The following PLPPR1 variants were observed in gnomAD, a reference collection of about 807,000 sequenced individuals.
The protein encoded by PLPPR1 is phospholipid phosphatase related 1.
In PLPPR1, 10 loss-of-function variants were observed where a neutral mutation model predicts 33.1. That is an observed-to-expected ratio of 0.30 (90% CI 0.19 to 0.51). The LOEUF (loss-of-function observed/expected upper bound fraction) is 0.51. Ranked by LOEUF, PLPPR1 falls within the 20% of genes least tolerant of loss-of-function variation. The pLI, the probability that PLPPR1 is intolerant of heterozygous loss-of-function variation, is 0.97. For missense variants in PLPPR1, 304 were observed against 408.1 expected (o/e 0.74, Z 2.20); for synonymous variants, 151 against 151.0 (o/e 1.00, Z 0.00).
intron 3 of PLPPR1, among the ~76,000 whole-genome samples, chr9:101,281,303 A>G (rs1402637674): frequency 1.3e-5 from 2 of 152,118 alleles, no homozygotes; most frequent in Non-Finnish European, 2.9e-5. Flanking sequence ...TTTGTGGATT[A>G]GAAGAATATT....
At chr9:101,254,388 T>C (rs562034694) in intron 2 of PLPPR1, among the ~76,000 whole-genome samples, 8 of 152,234 alleles carry the variant, frequency 5.3e-5, no homozygotes, top group African/African-American at 1.4e-4. Flanking sequence ...GAGAATCTCA[T>C]GTCACCGCTG....
chr9:101,090,448 C>A (rs1457153383), intron 1 of PLPPR1, among the ~76,000 whole-genome samples: 3 of 152,170 alleles, frequency 2.0e-5, no homozygotes, highest in African/African-American at 4.8e-5. Flanking sequence ...TGTGTGCACA[C>A]ACATGCAGGT....
chr9:101,286,341 G>A, intron 4 of PLPPR1, 105 bp downstream of exon 4: 1 of 1,078,548 alleles, frequency 9.3e-7, no homozygotes, highest in Non-Finnish European at 1.3e-6. Flanking sequence ...TAAAAGCAAG[G>A]GCTGCTTTGG....
chr9:101,242,731 T>C (rs1388379385), intron 2 of PLPPR1, among the ~76,000 whole-genome samples: 1 of 152,078 alleles, frequency 6.6e-6, no homozygotes, highest in African/African-American at 2.4e-5. Context: ...TGCCACAATA[T>C]TCATGCACAT....
chr9:101,147,375 G>A (rs1230960362), intron 1 of PLPPR1, among the ~76,000 whole-genome samples: 1 of 152,170 alleles, frequency 6.6e-6, no homozygotes, highest in East Asian at 1.9e-4. Context: ...AATATTAGGG[G>A]ATATTTTGAA....
intron 1 of PLPPR1, among the ~76,000 whole-genome samples, chr9:101,030,549 C>G (rs541930213): frequency 1.3e-5 from 2 of 152,064 alleles, no homozygotes; most frequent in Admixed American, 6.5e-5. Context: ...GTTTCTCCAT[C>G]TTGACGTGTT....
chr9:101,164,551 A>G (rs1389025542), intron 1 of PLPPR1, among the ~76,000 whole-genome samples: 2 of 151,866 alleles, frequency 1.3e-5, no homozygotes, highest in South Asian at 4.2e-4. Flanking sequence ...TATTTTTAGT[A>G]GAGACAGGGT....
At chr9:101,246,181 A>ATTGGCTTCGGTCTCAAAAATGGCAAAAG (rs376569634) in intron 2 of PLPPR1, among the ~76,000 whole-genome samples, 20 of 150,194 alleles carry the variant, frequency 1.3e-4, no homozygotes, top group African/African-American at 4.4e-4. Context: ...AAGTCTCAAT[A>ATTGGCTTCGGTCTCAAAAATGGCAAAAG]TCTCCAGATA....
At chr9:101,234,422 T>C (rs1057169483) in intron 2 of PLPPR1, among the ~76,000 whole-genome samples, 34 of 151,876 alleles carry the variant, frequency 2.2e-4, no homozygotes, top group African/African-American at 8.2e-4. Flanking sequence ...TCCCACCTTT[T>C]CTCTCTCCCA....
At chr9:101,047,419 A>T (rs1484663346) in intron 1 of PLPPR1, among the ~76,000 whole-genome samples, 1 of 152,190 alleles carries the variant, frequency 6.6e-6, no homozygotes, top group African/African-American at 2.4e-5. Context: ...TGCGTAAAAG[A>T]TGTTAAGGGT....
intron 1 of PLPPR1, among the ~76,000 whole-genome samples, chr9:101,178,698 A>G (rs527677981): frequency 1.3e-5 from 2 of 152,296 alleles, no homozygotes; most frequent in East Asian, 3.9e-4. Flanking sequence ...TACAATGCCA[A>G]CTTGGTGACA....
chr9:101,278,623 C>A (rs898990509), intron 3 of PLPPR1, among the ~76,000 whole-genome samples: 1 of 152,170 alleles, frequency 6.6e-6, no homozygotes, highest in Non-Finnish European at 1.5e-5. Context: ...TGGACCCCAA[C>A]CCTGGGCCCA....
intron 1 of PLPPR1, among the ~76,000 whole-genome samples, chr9:101,054,340 T>A (rs2118451061): frequency 6.6e-6 from 1 of 150,866 alleles, no homozygotes; most frequent in Non-Finnish European, 1.5e-5. Context: ...ATAACGTAAT[T>A]TTCACAAAGG....
chr9:101,246,893 C>G (rs1827620632), intron 2 of PLPPR1, among the ~76,000 whole-genome samples: 1 of 152,044 alleles, frequency 6.6e-6, no homozygotes, highest in South Asian at 2.1e-4. Context: ...CAGCTCTCTT[C>G]TATGAATCTT....
intron 1 of PLPPR1, among the ~76,000 whole-genome samples, chr9:101,075,887 G>A (rs1830528845): frequency 6.6e-6 from 1 of 152,036 alleles, no homozygotes; most frequent in Non-Finnish European, 1.5e-5. Flanking sequence ...CTTCAGAGAA[G>A]GTGAAGAGCA....
At chr9:101,049,264 G>A (rs1299212480) in intron 1 of PLPPR1, among the ~76,000 whole-genome samples, 2 of 152,098 alleles carry the variant, frequency 1.3e-5, no homozygotes, top group South Asian at 2.1e-4. Context: ...AAAAATAAGG[G>A]TATGAATATT....
At chr9:101,082,123 A>G (rs902625876) in intron 1 of PLPPR1, among the ~76,000 whole-genome samples, 2 of 152,138 alleles carry the variant, frequency 1.3e-5, no homozygotes, top group Admixed American at 6.5e-5. Context: ...CTTAGAGACA[A>G]CTGTGGAGGG....
intron 1 of PLPPR1, among the ~76,000 whole-genome samples, chr9:101,059,197 T>C (rs1564132832): frequency 6.6e-6 from 1 of 152,170 alleles, no homozygotes; most frequent in Non-Finnish European, 1.5e-5. Context: ...GATTCATTTC[T>C]CTTTTCCACT....
intron 1 of PLPPR1, among the ~76,000 whole-genome samples, chr9:101,139,253 C>T (rs766664517): frequency 2.6e-5 from 4 of 152,116 alleles, no homozygotes; most frequent in East Asian, 3.9e-4. Flanking sequence ...ACTTTGGCTG[C>T]GCCTCTACAT....
Sources: allele counts gnomAD v4.1 joint callset (sites outside exome capture counted in the v4.1 genomes callset), GRCh38; gene constraint gnomAD v4.1.1; transcripts MANE v1.5; gene names NCBI Gene and HGNC (gene_info 2026-07-23, HGNC 2026-07-21).